The following ZNF354C variants were observed in gnomAD, a reference collection of about 807,000 sequenced individuals.
ZNF354C encodes the protein KRAB-zinc finger protein synten.
In ZNF354C, 7 loss-of-function variants were observed where a neutral mutation model predicts 12.4. The observed-to-expected ratio is 0.56, with a 90% CI of 0.32 to 1.06. ZNF354C has a LOEUF of 1.06. Ranked by LOEUF, ZNF354C falls within the 50% of genes least tolerant of loss-of-function variation. The pLI, the probability that ZNF354C is intolerant of heterozygous loss-of-function variation, is 0.04. For synonymous variants in ZNF354C, 202 were observed against 224.5 expected (o/e 0.90, Z 0.90); for missense variants, 609 against 658.0 (o/e 0.93, Z 0.81).
intron 4 of ZNF354C, among the ~76,000 whole-genome samples, chr5:179,077,745 T>C (rs1369548054): frequency 6.6e-6 from 1 of 151,888 alleles, no homozygotes; most frequent in Non-Finnish European, 1.5e-5. Flanking sequence ...TTCGATCACA[T>C]AGAATCATCA....
Position 179,079,931 on chromosome 5 carries a change from A to G in ZNF354C, c.1499A>G (p.Glu500Gly). The change falls in exon 5 of 5, where the codon GAA (glutamate) becomes GGA (glycine). Residue 500 changes from glutamate (E) to glycine (G), a missense_variant. Transcript: ENST00000315475. The surrounding 1 kb of genome is among the most constrained non-coding windows in gnomAD (Gnocchi z 4.2). Reference protein sequence around the residue: ...HTGEKLYKCMECGKAYSYRSN... With the variant: ...HTGEKLYKCMGCGKAYSYRSN... ...GGAGAGAAACTGTATAAATGTATGG[A>G]ATGTGGGAAAGCCTACAGTTACAGA... 1.2e-6 allele frequency: 2 copies of G among 1,613,942 alleles called. No individual in the cohort carries two copies. Among genetic ancestry groups the G allele is most frequent in the Non-Finnish European group, 1.7e-6 (2 of 1,179,948 alleles).
At position 179,081,849 on chromosome 5, in the gene ZNF354C, T is replaced by C. The variant is rs1014660111; in HGVS notation, c.*1752T>C. ...AAATAAAATAAAAAGCAAGATAGTA[T>C]TTGAAGACTAATGGGGTAATGTCAG... is the stretch of plus-strand genomic sequence containing the variant. On this transcript the variant is annotated 3_prime_UTR_variant, in exon 5 of 5. Transcript: ENST00000315475. 6.6e-6 allele frequency: 1 copy of C among 152,118 alleles called. No homozygotes were observed. The highest frequency in any genetic ancestry group is 2.1e-4 in the South Asian group (1 of 4,826). The allele number at this position is 152,118 out of a possible 1,614,324, so 9.4% of individuals were successfully genotyped here.
In ZNF354C at chr5:179,079,271, C is replaced by T; in HGVS notation, c.839C>T (p.Ala280Val). Residue 280 changes from alanine (A) to valine (V), a missense_variant, in exon 5 of 5, where the codon GCA (alanine) becomes GTA (valine). By Grantham distance (64) the Ala-to-Val change is moderately conservative. Coordinates refer to ENST00000315475, the MANE Select transcript of ZNF354C (RefSeq NM_014594.3). The surrounding 1 kb of genome is among the most constrained non-coding windows in gnomAD (Gnocchi z 4.2). Reference protein sequence around the residue: ...KPYKCNECEKAFSNSSTLIKH... With the variant: ...KPYKCNECEKVFSNSSTLIKH... The stretch of plus-strand genomic sequence containing the variant: ...TACAAGTGTAATGAATGTGAGAAGG[C>T]ATTTAGCAACAGTTCAACCCTTATC... 6.2e-7 allele frequency: 1 copy of T among 1,614,092 alleles called. No homozygotes were observed. Among genetic ancestry groups the T allele is most frequent in the Non-Finnish European group, 8.5e-7 (1 of 1,180,002 alleles).
Position 179,083,117 on chromosome 5 carries a change from T to A in ZNF354C, c.*3020T>A. 1.8e-6 allele frequency: 1 copy of A among 563,816 alleles called. No individual in the cohort carries two copies. The highest frequency in any genetic ancestry group is 3.8e-4 in the Middle Eastern group (1 of 2,608). 34.9% of individuals were successfully genotyped at this position (563,816 alleles called of 1,614,324 possible). On this transcript the variant is annotated 3_prime_UTR_variant, in exon 5 of 5. Transcript: ENST00000315475. ...TGGTCTGGACTTTTCAAAAAGCAAA[T>A]GTAGTAAAACAAAAAGTGGTCTCTG...
chr5:179,076,649 G>A, intron 3 of ZNF354C, 78 bp downstream of exon 3: 3 of 1,562,404 alleles, frequency 1.9e-6, no homozygotes, highest in African/African-American at 1.4e-5. Context: ...CGAGCCTGTG[G>A]TCTTGTACCC....
chr5:179,083,034 TC>T lies in ZNF354C; in HGVS notation c.*2939del. ...GAAGCCAAACTGATCTTGCACACAT[TC>T]CACTGGCCCTACGCAGGGGTGTGAT... On this transcript the variant is annotated 3_prime_UTR_variant, in exon 5 of 5. Coordinates refer to ENST00000315475, the MANE Select transcript of ZNF354C (RefSeq NM_014594.3). 1 of 778,870 alleles carries T rather than the reference TC, an allele frequency of 1.3e-6. No individual in the cohort carries two copies. 48.2% of individuals were successfully genotyped at this position (778,870 alleles called of 1,614,324 possible). A position where few individuals can be genotyped will look rare whatever the true frequency, so the allele number is the denominator to read the frequency against.
rs1328795492 is a variant in ZNF354C, at chr5:179,081,498, C to A, written c.*1401C>A. ...ACAGTTGGTATCATTAAAAAAAATT[C>A]TAATACAATTAGCTAGACCTTCTGA... On this transcript the variant is annotated 3_prime_UTR_variant, in exon 5 of 5. Coordinates refer to ENST00000315475, the MANE Select transcript of ZNF354C (RefSeq NM_014594.3). 6.6e-6 allele frequency: 1 copy of A among 150,634 alleles called. No homozygotes were observed. The highest frequency in any genetic ancestry group is 6.6e-5 in the Admixed American group (1 of 15,074). 9.3% of individuals were successfully genotyped at this position (150,634 alleles called of 1,614,324 possible). A position where few individuals can be genotyped will look rare whatever the true frequency, so the allele number is the denominator to read the frequency against.
In ZNF354C at chr5:179,081,480, G is replaced by A. The variant is rs935816623; in HGVS notation, c.*1383G>A. ...TGATTTTTCATTCAATTCACAGTTG[G>A]TATCATTAAAAAAAATTCTAATACA... On this transcript the variant is annotated 3_prime_UTR_variant, in exon 5 of 5. Transcript: ENST00000315475. The A allele has an allele frequency of 6.6e-6, 1 of 151,378 alleles. No homozygotes were observed. Among genetic ancestry groups the A allele is most frequent in the Non-Finnish European group, 1.5e-5 (1 of 67,882 alleles). The allele number at this position is 151,378 out of a possible 1,614,324, so 9.4% of individuals were successfully genotyped here. A position where few individuals can be genotyped will look rare whatever the true frequency, so the allele number is the denominator to read the frequency against.
intron 2 of ZNF354C, among the ~76,000 whole-genome samples, chr5:179,068,702 T>C (rs2411913): frequency 0.33 from 49,852 of 151,806 alleles, 8,191 homozygotes; most frequent in Middle Eastern, 0.39. Context: ...TTGGGTTTGC[T>C]GTGAGTGTCC....
chr5:179,068,203 A>G (rs1259086968), intron 2 of ZNF354C, among the ~76,000 whole-genome samples: 1 of 151,738 alleles, frequency 6.6e-6, no homozygotes, highest in African/African-American at 2.4e-5. Context: ...TGTGATAAAG[A>G]TCCATGAAAT....
chr5:179,076,524 T>C lies in ZNF354C; in HGVS notation c.107T>C (p.Leu36Ser), dbSNP rs1762125933. ...CACCTGGACTCTGCCCAGAGGGCCT[T>C]GTACCGGGAGGTGATGCTGGAGAAC... is the stretch of plus-strand genomic sequence containing the variant. ...WLHLDSAQRA[L>S]YREVMLENYS... Residue 36 changes from leucine to serine, a missense_variant, in exon 3 of 5, where the codon TTG becomes TCG. By Grantham distance (145) the Leu-to-Ser change is moderately radical. Coordinates refer to ENST00000315475, the MANE Select transcript of ZNF354C (RefSeq NM_014594.3). 6.2e-7 allele frequency: 1 copy of C among 1,614,184 alleles called. No homozygotes were observed. The highest frequency in any genetic ancestry group is 8.5e-7 in the Non-Finnish European group (1 of 1,180,034).
intron 2 of ZNF354C, among the ~76,000 whole-genome samples, chr5:179,072,418 G>T (rs1762063742): frequency 6.6e-6 from 1 of 152,018 alleles, no homozygotes; most frequent in African/African-American, 2.4e-5. Context: ...AAGGCCCTCA[G>T]TTACCAATTA....
At position 179,078,742 on chromosome 5, in the gene ZNF354C, G is replaced by GAA. The variant is rs1762165782; in HGVS notation, c.312_313dup (p.Thr105LysfsTer7). ...TCATAGACAGGACATTTTTATAGAA[G>GAA]AAACATCTCAGGGAATGGTAAAGAA... On this transcript the variant is annotated frameshift_variant, in exon 5 of 5. Coordinates refer to ENST00000315475, the MANE Select transcript of ZNF354C (RefSeq NM_014594.3). LOFTEE classifies it low-confidence loss of function (END_TRUNC). 1 of 1,612,478 alleles carries GAA rather than the reference G, an allele frequency of 6.2e-7. No individual in the cohort carries two copies. The highest frequency in any genetic ancestry group is 1.3e-5 in the African/African-American group (1 of 74,752).
Position 179,078,925 on chromosome 5 carries a change from T to C in ZNF354C, c.493T>C (p.Leu165=), listed in dbSNP as rs199913096. Reference sequence around the variant, plus strand: ...AGATGGAAACCATACAAGTCTTGAATTGGGGAAAAGCTTATTTACAAATAC... The same window carrying C: ...AGATGGAAACCATACAAGTCTTGAACTGGGGAAAAGCTTATTTACAAATAC... ...SEDGNHTSLE[L]GKSLFTNTAL... The change falls in exon 5 of 5, where the codon TTG becomes CTG. Residue 165 remains leucine, a synonymous_variant. Transcript: ENST00000315475. 21 of 1,613,968 alleles carry C rather than the reference T, an allele frequency of 1.3e-5. No homozygotes were observed. The Admixed American group carries it at 1.5e-4, about 12-fold the overall frequency.
chr5:179,082,695 C>T lies in ZNF354C; in HGVS notation c.*2598C>T, dbSNP rs188425378. ...TGGTTAGTCAATGACACCAGCTTGA[C>T]GGATCTTTCTTTCTGCACCAAACCC... is the stretch of plus-strand genomic sequence containing the variant. On this transcript the variant is annotated 3_prime_UTR_variant, in exon 5 of 5. Transcript: ENST00000315475. 29 of 1,592,518 alleles carry T rather than the reference C, an allele frequency of 1.8e-5. No homozygotes were observed. Among genetic ancestry groups the T allele is most frequent in the Middle Eastern group, 2.0e-4 (1 of 5,122 alleles).
rs775408804 is a variant in ZNF354C, at chr5:179,078,833, TAGA to T, written c.408_410del (p.Glu137del). The T allele has an allele frequency of 6.8e-6, 11 of 1,613,902 alleles. No individual in the cohort carries two copies. The highest frequency in any genetic ancestry group is 1.7e-5 in the Admixed American group (1 of 60,010). On this transcript the variant is annotated inframe_deletion, in exon 5 of 5. Coordinates refer to ENST00000315475, the MANE Select transcript of ZNF354C (RefSeq NM_014594.3). ...GAAGCTGTGGAATTTGAGAGCGAGA[TAGA>T]AGAAGAGCAAGAGAAGAAACCTCTT... is the stretch of plus-strand genomic sequence containing the variant.
intron 2 of ZNF354C, among the ~76,000 whole-genome samples, chr5:179,074,345 C>T (rs1762086304): frequency 1.4e-5 from 2 of 147,088 alleles, no homozygotes; most frequent in Admixed American, 1.4e-4. Context: ...CCAGGAAGTT[C>T]TCGCACTCCT....
chr5:179,081,907 A>G lies in ZNF354C; in HGVS notation c.*1810A>G, dbSNP rs760550683. 6.6e-6 allele frequency: 1 copy of G among 152,212 alleles called. No homozygotes were observed. The highest frequency in any genetic ancestry group is 1.5e-5 in the Non-Finnish European group (1 of 68,040). 9.4% of individuals were successfully genotyped at this position (152,212 alleles called of 1,614,324 possible). On this transcript the variant is annotated 3_prime_UTR_variant, in exon 5 of 5. Transcript: ENST00000315475. ...CAGGCGCCAAGTTGAAGGTATTCTC[A>G]CTGGCCAAATTTAGGACAACTTAGA...
chr5:179,082,590 T>C lies in ZNF354C; in HGVS notation c.*2493T>C, dbSNP rs1018991805. On this transcript the variant is annotated 3_prime_UTR_variant, in exon 5 of 5. Coordinates refer to ENST00000315475, the MANE Select transcript of ZNF354C (RefSeq NM_014594.3). The stretch of plus-strand genomic sequence containing the variant: ...TAAGTATTCCAGATTTCGGGAGGGA[T>C]GAAGAGGGAGATATTCAGAAACCTT... The C allele has an allele frequency of 1.2e-5, 12 of 1,015,436 alleles. No homozygotes were observed. The highest frequency in any genetic ancestry group is 1.6e-5 in the African/African-American group (1 of 62,828). The allele number at this position is 1,015,436 out of a possible 1,614,324, so 62.9% of individuals were successfully genotyped here. A position where few individuals can be genotyped will look rare whatever the true frequency, so the allele number is the denominator to read the frequency against.
Sources: allele counts gnomAD v4.1 joint callset (sites outside exome capture counted in the v4.1 genomes callset), GRCh38; gene constraint gnomAD v4.1.1; non-coding constraint Gnocchi (gnomAD v3.1); transcripts MANE v1.5; gene names NCBI Gene and HGNC (gene_info 2026-07-23, HGNC 2026-07-21).